Variants in EXOC4 observed in about 807,000 individuals in gnomAD.
The protein encoded by EXOC4 is SEC8-like 1.
A neutral mutation model predicts 107.2 loss-of-function variants in EXOC4; 71 were observed. The ratio of observed to expected loss-of-function variants is 0.66; its 90% CI spans 0.55 to 0.81. The LOEUF is 0.81. EXOC4 is among the 30% of genes least tolerant of loss of function. The pLI is 0.00. For synonymous variants in EXOC4, 456 were observed against 441.2 expected (o/e 1.03, Z -0.42); for missense variants, 1,108 against 1,189.6 (o/e 0.93, Z 1.01).
chr7:133,632,205 T>A (rs1802608502), intron 10 of EXOC4, among the ~76,000 whole-genome samples: 1 of 152,196 alleles, frequency 6.6e-6, no homozygotes, highest in Non-Finnish European at 1.5e-5. Flanking sequence ...AATGCTGCTT[T>A]GCTAGATAGT....
chr7:133,632,555 C>T (rs574787071), intron 10 of EXOC4, among the ~76,000 whole-genome samples: 1 of 152,260 alleles, frequency 6.6e-6, no homozygotes, highest in East Asian at 1.9e-4. Flanking sequence ...TGAGTTTTCA[C>T]ACTTCAGCAT....
chr7:133,668,053 C>T (rs948152224), intron 10 of EXOC4, among the ~76,000 whole-genome samples: 1 of 152,110 alleles, frequency 6.6e-6, no homozygotes, highest in African/African-American at 2.4e-5. Flanking sequence ...CTTAGTGGGC[C>T]TCTCTCCTTC....
chr7:133,745,935 T>C (rs914614984), intron 10 of EXOC4, among the ~76,000 whole-genome samples: 3 of 152,168 alleles, frequency 2.0e-5, no homozygotes, highest in African/African-American at 4.8e-5. Flanking sequence ...TGTTTACCTC[T>C]TACTTTTCTG....
intron 5 of EXOC4, among the ~76,000 whole-genome samples, chr7:133,336,680 T>G (rs1428773586): frequency 6.7e-6 from 1 of 149,632 alleles, no homozygotes; most frequent in Non-Finnish European, 1.5e-5. Context: ...TTTTGTTTCA[T>G]TTTTATTTTA....
In EXOC4 at chr7:133,576,391, T is replaced by TGA; in HGVS notation, c.1418-53654_1418-53653insGA. 4.1e-6 allele frequency: 4 copies of TGA among 974,136 alleles called. No homozygotes were observed. The South Asian group carries it at 5.1e-5, about 12-fold the overall frequency. The allele number at this position is 974,136 out of a possible 1,614,324, so 60.3% of individuals were successfully genotyped here. On this transcript the variant is annotated intron_variant, in intron 9 of 17. Transcript: ENST00000253861. ...GGTTGGCTTGTTTCTTTCATTTTAA[T>TGA]CTGTTGTCTCCGTCACAGTCAAATT...
At chr7:133,894,180 C>A (rs1430904711) in intron 11 of EXOC4, among the ~76,000 whole-genome samples, 4 of 93,294 alleles carry the variant, frequency 4.3e-5, no homozygotes, top group Non-Finnish European at 7.9e-5. Context: ...TCATTCATTT[C>A]ATCTTCCATT....
chr7:133,628,774 A>G (rs1802516410), intron 9 of EXOC4, among the ~76,000 whole-genome samples: 1 of 152,186 alleles, frequency 6.6e-6, no homozygotes, highest in Admixed American at 6.5e-5. Context: ...CCGTTAATGA[A>G]GCAATTAAGG....
At position 133,880,570 on chromosome 7, in the gene EXOC4, A is replaced by G. The variant is rs7792260; in HGVS notation, c.1735-15029A>G. Among the ~76,000 whole-genome samples the G allele has an allele frequency of 2.4e-3, 367 of 152,278 alleles. 5 individuals are homozygous for G. The highest frequency in any genetic ancestry group is 8.2e-3 in the African/African-American group (342 of 41,552). Reference sequence around the variant, plus strand: ...CAAAATACGTAAGTCAACAATTACTACCTTATTATGTAATATTAGCTAGGG... The same window carrying G: ...CAAAATACGTAAGTCAACAATTACTGCCTTATTATGTAATATTAGCTAGGG... On this transcript the variant is annotated intron_variant, in intron 11 of 17. Coordinates refer to ENST00000253861, the MANE Select transcript of EXOC4 (RefSeq NM_021807.4).
chr7:133,294,502 A>T (rs1794475517), intron 3 of EXOC4, among the ~76,000 whole-genome samples: 1 of 152,084 alleles, frequency 6.6e-6, no homozygotes, highest in Non-Finnish European at 1.5e-5. Flanking sequence ...GATTGTAGAG[A>T]TTTTGAATGT....
At chr7:134,062,632 A>T (rs1563109574) in intron 17 of EXOC4, among the ~76,000 whole-genome samples, 1 of 152,140 alleles carries the variant, frequency 6.6e-6, no homozygotes, top group African/African-American at 2.4e-5. Context: ...CGTCAGAGAG[A>T]AGTGAGTAAC....
chr7:133,496,214 G>T (rs1799474830), intron 9 of EXOC4, among the ~76,000 whole-genome samples: 1 of 152,086 alleles, frequency 6.6e-6, no homozygotes, highest in South Asian at 2.1e-4. Context: ...CAGTGCACCG[G>T]TGTGATCATA....
chr7:133,566,038 G>A (rs1459843900), intron 9 of EXOC4, among the ~76,000 whole-genome samples: 1 of 152,140 alleles, frequency 6.6e-6, no homozygotes, highest in Non-Finnish European at 1.5e-5. Flanking sequence ...TTGTGGTTAA[G>A]TCTTTAAAAT....
At chr7:133,929,648 G>A (rs1490893034) in intron 13 of EXOC4, among the ~76,000 whole-genome samples, 1 of 152,020 alleles carries the variant, frequency 6.6e-6, no homozygotes, top group Non-Finnish European at 1.5e-5. Flanking sequence ...TGGGGATTTA[G>A]CCTACAGAAT....
chr7:133,681,492 G>T (rs192754124), intron 10 of EXOC4, among the ~76,000 whole-genome samples: 1 of 152,116 alleles, frequency 6.6e-6, no homozygotes, highest in Non-Finnish European at 1.5e-5. Flanking sequence ...AATAAGTAGC[G>T]AAGCAAAGCA....
chr7:133,364,994 G>A (rs1009530762), intron 6 of EXOC4, among the ~76,000 whole-genome samples: 5 of 152,130 alleles, frequency 3.3e-5, no homozygotes, highest in Admixed American at 3.3e-4. Flanking sequence ...TTTGTCCTCA[G>A]AAGGACGATA....
intron 7 of EXOC4, among the ~76,000 whole-genome samples, chr7:133,464,698 G>C (rs1208622111): frequency 6.6e-6 from 1 of 151,366 alleles, no homozygotes; most frequent in Non-Finnish European, 1.5e-5. Flanking sequence ...AGTATATTAT[G>C]ATGAAACATA....
At chr7:133,535,124 C>G (rs184971608) in intron 9 of EXOC4, among the ~76,000 whole-genome samples, 23 of 152,238 alleles carry the variant, frequency 1.5e-4, no homozygotes, top group Non-Finnish European at 2.8e-4. Context: ...AAATGCTTAT[C>G]TGTTGAGAGC....
intron 10 of EXOC4, chr7:133,727,792 G>A (rs1002538269): frequency 6.6e-6 from 1 of 152,186 alleles, no homozygotes; most frequent in African/African-American, 2.4e-5. Flanking sequence ...ATAAACAAGT[G>A]TGTGCAAGGA....
chr7:133,991,382 T>C (rs1465694922), intron 14 of EXOC4, among the ~76,000 whole-genome samples: 1 of 152,182 alleles, frequency 6.6e-6, no homozygotes, highest in Non-Finnish European at 1.5e-5. Flanking sequence ...GAAAATAATT[T>C]GTTTCATTAT....
Sources: allele counts gnomAD v4.1 joint callset (sites outside exome capture counted in the v4.1 genomes callset), GRCh38; gene constraint gnomAD v4.1.1; transcripts MANE v1.5; gene names NCBI Gene and HGNC (gene_info 2026-07-23, HGNC 2026-07-21).